UVSSA: variants seen among roughly 807,000 people sequenced by gnomAD.
The protein encoded by UVSSA is UV stimulated scaffold protein A.
Under a neutral mutation model 73.9 loss-of-function variants are expected in UVSSA, and 72 were observed. That is an observed-to-expected ratio of 0.97 (90% CI 0.81 to 1.19). UVSSA has a LOEUF of 1.19. Among genes scored for constraint, UVSSA ranks in the 50% most tolerant of loss-of-function variants. The pLI is 0.00. For missense variants in UVSSA, 1,150 were observed against 965.0 expected, an observed-to-expected ratio of 1.19 and a Z score of -2.54; for synonymous variants, 454 against 391.3, an observed-to-expected ratio of 1.16 and a Z score of -1.89.
exon 14 of UVSSA, chr4:1,393,167 A>G (rs1352924627): frequency 1.3e-5 from 2 of 152,132 alleles, no homozygotes; most frequent in Non-Finnish European, 1.5e-5. Flanking sequence ...CAGTTGACCT[A>G]TCTTCAAGGT....
At position 1,354,834 on chromosome 4, in the gene UVSSA, G is replaced by T. The variant is rs149434443; in HGVS notation, c.1034G>T (p.Cys345Phe). Reference protein sequence around the residue: ...LIRNKFLPAVCSWIQRFTRVG... With the variant: ...LIRNKFLPAVFSWIQRFTRVG... ...CGGAACAAGTTCCTGCCGGCTGTGT[G>T]CTCGTGGATCCAGGTGAGCCTCGAA... The change falls in exon 6 of 14, where the codon TGC (cysteine) becomes TTC (phenylalanine). Residue 345 changes from cysteine to phenylalanine, a missense_variant. Physicochemically the swap from Cys to Phe is radical, Grantham distance 205. Coordinates refer to ENST00000389851, the MANE Select transcript of UVSSA (RefSeq NM_020894.4). 634 of 1,611,518 alleles carry T rather than the reference G, an allele frequency of 3.9e-4. 1 individual carries two copies. The African/African-American group carries it at 7.8e-3, about 20-fold the overall frequency.
Position 1,377,395 on chromosome 4 carries a change from CAG to C in UVSSA, c.1568+1228_1568+1229del, listed in dbSNP as rs1577365688. Among the ~76,000 whole-genome samples the C allele has an allele frequency of 2.6e-5, 4 of 152,190 alleles. No individual in the cohort carries two copies. In the East Asian group the frequency reaches 7.7e-4, roughly 29 times the overall value. On this transcript the variant is annotated intron_variant, in intron 10 of 13. Transcript: ENST00000389851. ...GACTGAGATTTGAGGGCCCCGTCCT[CAG>C]GGCTCCACAGACACCGCCCCTAGTG...
At chr4:1,363,449 C>T (rs11933624) in intron 7 of UVSSA, among the ~76,000 whole-genome samples, 2 of 152,290 alleles carry the variant, frequency 1.3e-5, no homozygotes, top group Admixed American at 6.5e-5. Flanking sequence ...TTCAAGGGTG[C>T]GAACAGGAAG....
Position 1,351,705 on chromosome 4 carries a change from A to G in UVSSA, c.430-10A>G, listed in dbSNP as rs534978786. On this transcript the variant is annotated splice_polypyrimidine_tract_variant and intron_variant, in intron 3 of 13. Coordinates refer to ENST00000389851, the MANE Select transcript of UVSSA (RefSeq NM_020894.4). ...CGCCTGTCCCCTAGTCTTTATTTTC[A>G]ATTGCTCAGGTGGATTTTCAAGACA... is the stretch of plus-strand genomic sequence containing the variant. 1 of 1,612,390 alleles carries G rather than the reference A, an allele frequency of 6.2e-7. No homozygotes were observed. The highest frequency in any genetic ancestry group is 2.2e-5 in the East Asian group (1 of 44,834).
intron 7 of UVSSA, among the ~76,000 whole-genome samples, chr4:1,359,890 C>T (rs1344737487): frequency 6.6e-6 from 1 of 152,154 alleles, no homozygotes; most frequent in African/African-American, 2.4e-5. Flanking sequence ...CCCCTGGGAT[C>T]GAGGCCCCAC....
chr4:1,345,533 T>A (rs1024942828), upstream of UVSSA, among the ~76,000 whole-genome samples: 2 of 150,654 alleles, frequency 1.3e-5, no homozygotes, highest in African/African-American at 4.9e-5. Flanking sequence ...TCATCCCAGC[T>A]ACTCGGGAGG....
chr4:1,383,896 G>A lies in UVSSA; in HGVS notation c.1992G>A (p.Gln664=). 6.2e-7 allele frequency: 1 copy of A among 1,613,414 alleles called. No homozygotes were observed. Among genetic ancestry groups the A allele is most frequent in the Non-Finnish European group, 8.5e-7 (1 of 1,179,950 alleles). ...RYPSLTNLKA[Q]ADTARARIGR... ...CCAGCCTCACCAACCTGAAGGCTCA[G>A]GCTGATACCGCCCGCGCTCGCATTG... The change falls in exon 13 of 14, where the codon CAG becomes CAA. Residue 664 remains glutamine, a synonymous_variant. Transcript: ENST00000389851.
At chr4:1,372,853 CGCGTCCCT>C (rs1560469354) in intron 8 of UVSSA, among the ~76,000 whole-genome samples, 4 of 68,914 alleles carry the variant, frequency 5.8e-5, no homozygotes. Flanking sequence ...ACTCACCTCC[CGCGTCCCT>C]GCACTCACCT....
intron 10 of UVSSA, among the ~76,000 whole-genome samples, chr4:1,376,689 C>T (rs1173510948): frequency 1.3e-5 from 2 of 152,232 alleles, no homozygotes; most frequent in Non-Finnish European, 2.9e-5. Flanking sequence ...GAAGGGGGCA[C>T]ACGGGGGTCA....
At chr4:1,395,219 C>G (rs78871723) in exon 14 of UVSSA, 1 of 1,240,348 alleles carries the variant, frequency 8.1e-7, no homozygotes, top group Non-Finnish European at 1.0e-6. Context: ...CGTGCCGATG[C>G]GGAGTGCCCG....
intron 3 of UVSSA, among the ~76,000 whole-genome samples, 153 bp downstream of exon 3, chr4:1,350,007 G>A (rs1468561205): frequency 6.6e-6 from 1 of 152,204 alleles, no homozygotes. Context: ...CCATCTGTGG[G>A]GTGTGGGAAA....
At position 1,366,455 on chromosome 4, in the gene UVSSA, G is replaced by C. The variant is rs199822999; in HGVS notation, c.1288+24G>C. On this transcript the variant is annotated intron_variant, in intron 8 of 13. Coordinates refer to ENST00000389851, the MANE Select transcript of UVSSA (RefSeq NM_020894.4). ...TGGTGAGCAGTGGGTCCCGTGGGGG[G>C]GGCACCTGGGTGGAGGGTCCCCCAC... The C allele has an allele frequency of 8.3e-6, 13 of 1,570,790 alleles. No individual in the cohort carries two copies. The East Asian group carries it at 2.7e-4, about 33-fold the overall frequency.
intron 7 of UVSSA, among the ~76,000 whole-genome samples, chr4:1,357,537 A>T (rs955053288): frequency 6.6e-6 from 1 of 152,192 alleles, no homozygotes; most frequent in African/African-American, 2.4e-5. Context: ...TTGGGTGAGG[A>T]TGAGGAGCTG....
At chr4:1,345,356 C>T (rs1017517006), upstream of UVSSA, among the ~76,000 whole-genome samples, 3 of 147,450 alleles carry the variant, frequency 2.0e-5, no homozygotes, top group Non-Finnish European at 4.4e-5. Flanking sequence ...CAGGCCCAGG[C>T]ACGGTGGCCC....
At chr4:1,383,693 C>T in intron 12 of UVSSA, 73 bp from the exon 13 acceptor site, 2 of 1,592,018 alleles carry the variant, frequency 1.3e-6, no homozygotes, top group Middle Eastern at 1.7e-4. Context: ...CCAAGAGCCC[C>T]TCCTGGGGGC....
intron 10 of UVSSA, among the ~76,000 whole-genome samples, chr4:1,377,031 G>A (rs571681417): frequency 1.3e-5 from 2 of 152,354 alleles, no homozygotes; most frequent in East Asian, 3.9e-4. Context: ...CGGGCTGCCT[G>A]TGCAAACACC....
intron 8 of UVSSA, among the ~76,000 whole-genome samples, chr4:1,367,834 C>T (rs939019047): frequency 6.6e-6 from 1 of 151,884 alleles, no homozygotes; most frequent in African/African-American, 2.4e-5. Flanking sequence ...GTGCCCTCAT[C>T]GGGCTTCCCC....
In UVSSA at chr4:1,353,184, G is replaced by T; in HGVS notation, c.705G>T (p.Val235=). ...TTCGCTCCTCCTGCGCGGGCCAGGT[G>T]GGCCCCTGCCGGTCTGGCACCCCTG... is the stretch of plus-strand genomic sequence containing the variant. The part of the protein sequence containing the change: ...DALRSSCAGQ[V]GPCRSGTPDP... Residue 235 remains valine, a synonymous_variant, in exon 5 of 14, where the codon GTG becomes GTT. Transcript: ENST00000389851. 1 of 1,612,768 alleles carries T rather than the reference G, an allele frequency of 6.2e-7. No homozygotes were observed. Among genetic ancestry groups the T allele is most frequent in the South Asian group, 1.1e-5 (1 of 91,082 alleles).
intron 1 of UVSSA, 31 bp from the exon 2 acceptor site, chr4:1,348,059 G>C: frequency 1.3e-6 from 2 of 1,516,112 alleles, no homozygotes; most frequent in Non-Finnish European, 1.8e-6. Flanking sequence ...TACAGATGGT[G>C]ATATAGCATC....
Sources: allele counts gnomAD v4.1 joint callset (sites outside exome capture counted in the v4.1 genomes callset), GRCh38; gene constraint gnomAD v4.1.1; transcripts MANE v1.5; gene names NCBI Gene and HGNC (gene_info 2026-07-23, HGNC 2026-07-21).